Variants in ABCB7 observed in about 807,000 individuals in gnomAD.
The protein encoded by ABCB7 is iron-sulfur clusters transporter ABCB7, mitochondrial.
ABCB7 carries 7 observed loss-of-function variants against 54.4 expected under a neutral mutation model. The observed-to-expected ratio is 0.13, with a 90% CI of 0.07 to 0.24. The LOEUF (loss-of-function observed/expected upper bound fraction) is 0.24. Among genes scored for constraint, ABCB7 ranks in the 10% least tolerant of loss-of-function variants. The pLI is 1.00. For synonymous variants in ABCB7, 218 were observed against 207.1 expected (o/e 1.05, Z -0.45); for missense variants, 356 against 570.4 (o/e 0.62, Z 3.83).
intron 1 of ABCB7, among the ~76,000 whole-genome samples, chrX:75,124,654 ATTTC>A (rs2147542095): frequency 8.9e-6 from 1 of 111,945 alleles, no homozygotes; most frequent in South Asian, 3.7e-4. Context: ...ACAAAGAGGA[ATTTC>A]TTTATCATAT....
intron 1 of ABCB7, among the ~76,000 whole-genome samples, chrX:75,117,436 A>T (rs5937945): frequency 2.8e-5 from 3 of 108,832 alleles, no homozygotes; most frequent in African/African-American, 1.0e-4. Flanking sequence ...GGCCCAACTT[A>T]GGAGTGTTAA....
At position 75,051,582 on chromosome X, in the gene ABCB7, C is replaced by A. The variant is rs1192284297; in HGVS notation, c.*1788G>T. The A allele has an allele frequency of 8.9e-6, 1 of 112,149 alleles. No individual in the cohort carries two copies. Among genetic ancestry groups the A allele is most frequent in the African/African-American group, 3.2e-5 (1 of 30,896 alleles). 9.2% of individuals were successfully genotyped at this position (112,149 alleles called of 1,213,427 possible). A position where few individuals can be genotyped will look rare whatever the true frequency, so the allele number is the denominator to read the frequency against. On this transcript the variant is annotated 3_prime_UTR_variant, in exon 16 of 16. Transcript: ENST00000373394. ...AATGTATAGCAATATTTTATTAATT[C>A]TTTCTAGCAGGTAAAACTTTTTTTC...
intron 4 of ABCB7, among the ~76,000 whole-genome samples, chrX:75,084,001 G>A (rs1342926765): frequency 9.0e-6 from 1 of 110,789 alleles, no homozygotes; most frequent in Non-Finnish European, 1.9e-5. Context: ...GTACTTATAA[G>A]AGGAAAGTAG....
rs763403041 is a variant in ABCB7 at position 75,145,273 on chromosome X, A to C, written c.168+10832T>G. Among the ~76,000 whole-genome samples, 63 of 111,210 alleles carry C rather than the reference A, an allele frequency of 5.7e-4. 1 individual carries two copies. Among genetic ancestry groups the C allele is most frequent in the Non-Finnish European group, 1.3e-4 (7 of 53,066 alleles). On this transcript the variant is annotated intron_variant, in intron 1 of 15. Transcript: ENST00000373394. Reference sequence around the variant, plus strand: ...CATACCAAAACTTGGCAGAGACACAACACCAAAAAAAACTTCAGGCCAATA... The same window carrying C: ...CATACCAAAACTTGGCAGAGACACACCACCAAAAAAAACTTCAGGCCAATA...
chrX:75,138,359 C>T (rs1222622625), intron 1 of ABCB7, among the ~76,000 whole-genome samples: 1 of 112,028 alleles, frequency 8.9e-6, no homozygotes, highest in East Asian at 2.8e-4. Context: ...TATGTACACA[C>T]ACACATACAA....
Position 75,079,244 on chromosome X carries a change from A to T in ABCB7, c.454-2590T>A, listed in dbSNP as rs892207186. 2.7e-5 allele frequency among the ~76,000 whole-genome samples: 3 copies of T among 112,090 alleles called. No individual in the cohort carries two copies. The Admixed American group carries it at 2.8e-4, about 11-fold the overall frequency. ...TGGCGCTACCTCTAATAATAACTGA[A>T]TACTGTCAGTTTTCCCATAAAAATT... On this transcript the variant is annotated intron_variant, in intron 4 of 15. Transcript: ENST00000373394.
intron 1 of ABCB7, among the ~76,000 whole-genome samples, chrX:75,122,340 A>G (rs1372209430): frequency 9.3e-6 from 1 of 107,955 alleles, no homozygotes; most frequent in Non-Finnish European, 1.9e-5. Context: ...AAGTTACCCT[A>G]TGTGGTCTAA....
At chrX:75,098,137 C>T (rs2081607414) in intron 4 of ABCB7, among the ~76,000 whole-genome samples, 1 of 110,220 alleles carries the variant, frequency 9.1e-6, no homozygotes, top group African/African-American at 3.3e-5. Flanking sequence ...GGTGAAACCC[C>T]ATCTCTACTA....
chrX:75,105,876 T>C (rs2081695561), intron 3 of ABCB7, among the ~76,000 whole-genome samples: 1 of 111,429 alleles, frequency 9.0e-6, no homozygotes, highest in Admixed American at 9.5e-5. Flanking sequence ...TTGACAAAAG[T>C]ATATACTGGG....
At chrX:75,083,109 T>TA (rs916278579) in intron 4 of ABCB7, among the ~76,000 whole-genome samples, 7 of 111,415 alleles carry the variant, frequency 6.3e-5, no homozygotes, top group African/African-American at 2.3e-4. Flanking sequence ...CCTCATCAAG[T>TA]AAAAAAAATT....
chrX:75,053,078 A>G lies in ABCB7; in HGVS notation c.*292T>C. ...AAACCAATCTGATTCATCTGGCTAT[A>G]GATCAAATGAATGTCAGGCCTCAAG... is the stretch of plus-strand genomic sequence containing the variant. On this transcript the variant is annotated 3_prime_UTR_variant, in exon 16 of 16. Transcript: ENST00000373394. The G allele has an allele frequency of 3.2e-6, 1 of 311,473 alleles. No homozygotes were observed. The highest frequency in any genetic ancestry group is 5.6e-6 in the Non-Finnish European group (1 of 178,684). The allele number at this position is 311,473 out of a possible 1,213,427, so 25.7% of individuals were successfully genotyped here.
intron 4 of ABCB7, among the ~76,000 whole-genome samples, chrX:75,085,187 G>A (rs1226528800): frequency 8.9e-6 from 1 of 112,119 alleles, no homozygotes; most frequent in Non-Finnish European, 1.9e-5. Flanking sequence ...TCACTAAAAA[G>A]TGGAAAGAAC....
At chrX:75,135,696 T>C (rs2082004513) in intron 1 of ABCB7, among the ~76,000 whole-genome samples, 2 of 111,704 alleles carry the variant, frequency 1.8e-5, no homozygotes, top group African/African-American at 6.5e-5. Context: ...ATAAATGTGA[T>C]TCATCACCAG....
intron 3 of ABCB7, among the ~76,000 whole-genome samples, chrX:75,110,506 T>C (rs1459719533): frequency 1.3e-4 from 15 of 111,990 alleles, no homozygotes; most frequent in Admixed American, 1.3e-3. Context: ...TACATCAAGC[T>C]CTCCAATTGC....
intron 3 of ABCB7, among the ~76,000 whole-genome samples, chrX:75,099,459 T>C (rs992961633): frequency 3.6e-5 from 4 of 111,775 alleles, no homozygotes; most frequent in African/African-American, 1.3e-4. Flanking sequence ...GTCAGTTTTT[T>C]ATTTAAAACA....
chrX:75,117,950 C>A (rs553001107), intron 1 of ABCB7, among the ~76,000 whole-genome samples: 1 of 112,241 alleles, frequency 8.9e-6, no homozygotes, highest in Admixed American at 9.4e-5. Context: ...GTAAAAATCA[C>A]TGTTTAGCTC....
At chrX:75,101,106 G>C (rs1409991500) in intron 3 of ABCB7, among the ~76,000 whole-genome samples, 2 of 110,947 alleles carry the variant, frequency 1.8e-5, no homozygotes, top group African/African-American at 6.5e-5. Flanking sequence ...AACAGTAGCT[G>C]TGAGTGGGTG....
intron 15 of ABCB7, among the ~76,000 whole-genome samples, chrX:75,059,921 C>T (rs1385084791): frequency 1.8e-5 from 2 of 111,829 alleles, no homozygotes; most frequent in Non-Finnish European, 3.8e-5. Flanking sequence ...CTATTCAGAG[C>T]AAAACTGAAG....
At chrX:75,106,918 G>A (rs778515286) in intron 3 of ABCB7, among the ~76,000 whole-genome samples, 1 of 111,292 alleles carries the variant, frequency 9.0e-6, no homozygotes, top group African/African-American at 3.3e-5. Flanking sequence ...AAAATCAGGT[G>A]AGCCCTCATA....
Sources: gnomAD v4.1 joint callset for allele counts (sites outside exome capture counted in the v4.1 genomes callset) on GRCh38, gnomAD v4.1.1 for gene constraint, MANE v1.5 for transcripts, NCBI Gene and HGNC (gene_info 2026-07-23, HGNC 2026-07-21) for gene names.